The following XIRP2 variants were observed in gnomAD, a reference collection of about 807,000 sequenced individuals.
The protein encoded by XIRP2 is xin actin-binding repeat-containing protein 2.
Under a neutral mutation model 277.0 loss-of-function variants are expected in XIRP2, and 236 were observed. The observed-to-expected ratio is 0.85, with a 90% CI of 0.77 to 0.95. The LOEUF (loss-of-function observed/expected upper bound fraction) is 0.95, where lower values mean the gene tolerates loss of function less well. Among genes scored for constraint, XIRP2 ranks in the 40% least tolerant of loss-of-function variants. The pLI is 0.00. For synonymous variants in XIRP2, 1,490 were observed against 1,416.5 expected (o/e 1.05, Z -1.17); for missense variants, 4,640 against 4,157.5 (o/e 1.12, Z -3.19).
At chr2:167,069,378 T>C (rs1456951759) in intron 2 of XIRP2, among the ~76,000 whole-genome samples, 1 of 152,152 alleles carries the variant, frequency 6.6e-6, no homozygotes, top group African/African-American at 2.4e-5. Context: ...CTGTGCTGAG[T>C]TGAACCCCTA....
Position 167,214,053 on chromosome 2 carries a change from T to G in XIRP2, c.723+3158T>G, listed in dbSNP as rs147253368. ...GGCCAACATGATGAAACTCCATGTC[T>G]ACTAAAATACAAAATAGAAAGGAAG... On this transcript the variant is annotated intron_variant, in intron 4 of 10. Coordinates refer to ENST00000409195, the MANE Select transcript of XIRP2 (RefSeq NM_152381.6). Among the ~76,000 whole-genome samples, 7 of 137,502 alleles carry G rather than the reference T, an allele frequency of 5.1e-5. No individual in the cohort carries two copies. The East Asian group carries it at 1.5e-3, about 29-fold the overall frequency. The allele number at this position is 137,502 out of a possible 152,430, so 90.2% of individuals were successfully genotyped here.
chr2:167,043,299 C>G (rs1410111300), intron 2 of XIRP2, among the ~76,000 whole-genome samples: 1 of 151,836 alleles, frequency 6.6e-6, no homozygotes, highest in Non-Finnish European at 1.5e-5. Context: ...CAAACCATCT[C>G]AAAGGTAACA....
chr2:167,099,666 G>C (rs1690435307), intron 2 of XIRP2, among the ~76,000 whole-genome samples: 1 of 152,140 alleles, frequency 6.6e-6, no homozygotes, highest in African/African-American at 2.4e-5. Context: ...CCTGGTCTGT[G>C]GGTTGCACAG....
chr2:166,945,090 A>G (rs999633699), intron 2 of XIRP2, among the ~76,000 whole-genome samples: 6 of 152,104 alleles, frequency 3.9e-5, no homozygotes, highest in Admixed American at 3.3e-4. Context: ...CTCAGAACCC[A>G]TCCTCCATTA....
intron 5 of XIRP2, among the ~76,000 whole-genome samples, chr2:167,224,464 C>G (rs1694534031): frequency 2.0e-5 from 3 of 151,666 alleles, no homozygotes; most frequent in Admixed American, 6.6e-5. Flanking sequence ...TCAGACTGGT[C>G]TCAAACTCCT....
intron 2 of XIRP2, among the ~76,000 whole-genome samples, chr2:167,042,026 G>C (rs1272759152): frequency 2.6e-5 from 4 of 152,022 alleles, no homozygotes; most frequent in African/African-American, 9.7e-5. Context: ...AAAGATTGAG[G>C]GTCTATCTTC....
chr2:167,174,917 G>A (rs1181752459), intron 3 of XIRP2, among the ~76,000 whole-genome samples: 2 of 152,112 alleles, frequency 1.3e-5, no homozygotes, highest in African/African-American at 4.8e-5. Flanking sequence ...TTAATCTTGA[G>A]TTCTAATTTA....
chr2:166,936,929 G>GT (rs1172991866), intron 2 of XIRP2, among the ~76,000 whole-genome samples: 4 of 152,272 alleles, frequency 2.6e-5, no homozygotes, highest in South Asian at 2.1e-4. Flanking sequence ...CTTTAAAGTA[G>GT]TTTTTTCCAA....
intron 2 of XIRP2, among the ~76,000 whole-genome samples, chr2:166,910,836 G>T (rs1684681169): frequency 6.6e-6 from 1 of 152,128 alleles, no homozygotes; most frequent in South Asian, 2.1e-4. Context: ...TGGTTTCAAA[G>T]AACATCTTTA....
intron 3 of XIRP2, among the ~76,000 whole-genome samples, chr2:167,166,674 T>G (rs973027203): frequency 1.3e-5 from 2 of 152,104 alleles, no homozygotes; most frequent in African/African-American, 4.8e-5. Context: ...TGTGTGGCAC[T>G]CTTTTAAACA....
intron 3 of XIRP2, among the ~76,000 whole-genome samples, chr2:167,196,820 G>A (rs996761): frequency 0.016 from 2,410 of 152,178 alleles, 28 homozygotes; most frequent in Non-Finnish European, 0.025. Context: ...GAAAAATGTG[G>A]CTGGGGGTGG....
intron 3 of XIRP2, among the ~76,000 whole-genome samples, chr2:167,167,255 T>C (rs1692550671): frequency 6.6e-6 from 1 of 152,198 alleles, no homozygotes; most frequent in Admixed American, 6.5e-5. Context: ...GTAGATAACA[T>C]ATAGTCAGGT....
At chr2:167,085,948 A>G (rs938584130) in intron 2 of XIRP2, among the ~76,000 whole-genome samples, 113 of 151,960 alleles carry the variant, frequency 7.4e-4, no homozygotes, top group African/African-American at 2.6e-3. Flanking sequence ...TTACATTTAA[A>G]GTTAATATTG....
At chr2:166,943,834 C>A (rs1574102368) in intron 2 of XIRP2, among the ~76,000 whole-genome samples, 1 of 152,278 alleles carries the variant, frequency 6.6e-6, no homozygotes, top group East Asian at 1.9e-4. Context: ...AATTTTTAGC[C>A]TAGGCTTTTT....
intron 2 of XIRP2, among the ~76,000 whole-genome samples, chr2:166,938,371 G>A (rs1379072467): frequency 6.6e-6 from 1 of 152,152 alleles, no homozygotes; most frequent in African/African-American, 2.4e-5. Context: ...TCATTCAGGA[G>A]CAGGTTGTTC....
At chr2:167,041,126 G>C (rs1419054223) in intron 2 of XIRP2, among the ~76,000 whole-genome samples, 1 of 152,222 alleles carries the variant, frequency 6.6e-6, no homozygotes, top group Non-Finnish European at 1.5e-5. Flanking sequence ...TCCAGGGTTA[G>C]AGCATGCAGG....
intron 3 of XIRP2, among the ~76,000 whole-genome samples, chr2:167,186,617 CA>C (rs1464908979): frequency 6.6e-6 from 1 of 152,098 alleles, no homozygotes; most frequent in Non-Finnish European, 1.5e-5. Flanking sequence ...AGATTGGCAG[CA>C]TGTGTTTGGT....
intron 2 of XIRP2, among the ~76,000 whole-genome samples, chr2:167,085,590 A>G (rs1448046812): frequency 6.6e-6 from 1 of 152,072 alleles, no homozygotes; most frequent in African/African-American, 2.4e-5. Flanking sequence ...GTCTCTTTGT[A>G]GGTCACTCAG....
chr2:166,940,408 G>T (rs1328156227), intron 2 of XIRP2, among the ~76,000 whole-genome samples: 2 of 152,134 alleles, frequency 1.3e-5, no homozygotes, highest in East Asian at 3.9e-4. Flanking sequence ...CCTTTAGCTT[G>T]GAGAAGTTTG....
Sources: allele counts gnomAD v4.1 joint callset (sites outside exome capture counted in the v4.1 genomes callset), GRCh38; gene constraint gnomAD v4.1.1; transcripts MANE v1.5; gene names NCBI Gene and HGNC (gene_info 2026-07-23, HGNC 2026-07-21).